The following SMC3 variants were observed in gnomAD, a reference collection of about 807,000 sequenced individuals.
SMC3 encodes structural maintenance of chromosomes protein 3.
A neutral mutation model predicts 171.8 loss-of-function variants in SMC3; 20 were observed. The observed-to-expected ratio is 0.12, with a 90% confidence interval of 0.08 to 0.17. SMC3 has a LOEUF of 0.17. SMC3 is among the 10% of genes least tolerant of loss of function. The pLI is 1.00. For synonymous variants in SMC3, 464 were observed against 451.1 expected (o/e 1.03, Z -0.36); for missense variants, 543 against 1,420.4 (o/e 0.38, Z 9.93).
chr10:110,592,973 G>A, intron 17 of SMC3, 100 bp from the exon 18 acceptor site: 1 of 1,014,610 alleles, frequency 9.9e-7, no homozygotes, highest in East Asian at 2.4e-5. Context: ...ATATAATGGT[G>A]TTTATGGTTT....
At chr10:110,580,265 A>T (rs956121168) in intron 7 of SMC3, among the ~76,000 whole-genome samples, 7 of 152,164 alleles carry the variant, frequency 4.6e-5, no homozygotes, top group Non-Finnish European at 8.8e-5. Context: ...TCCCCATGGA[A>T]ACTGAGGAAG....
chr10:110,571,853 A>G (rs186496930), intron 2 of SMC3, among the ~76,000 whole-genome samples: 19 of 152,116 alleles, frequency 1.2e-4, no homozygotes, highest in Admixed American at 6.5e-4. Context: ...ACTTACTGGT[A>G]ATCTGTTATT....
At chr10:110,597,310 GGTTA>G (rs903809773) in intron 19 of SMC3, among the ~76,000 whole-genome samples, 6 of 151,842 alleles carry the variant, frequency 4.0e-5, no homozygotes, top group Admixed American at 3.3e-4. Context: ...CATGAGGAGT[GGTTA>G]GTTCAGTTCA....
rs753091273 is a variant in SMC3 at position 110,589,707 on chromosome 10, A to C, written c.1408A>C (p.Asn470His). ...GAAAGATGAACTACAAAGTGAAAGA[A>C]AGTTAGTATAGACTAAAATGTGCAT... Reference protein sequence around the residue: ...NKKDELQSERNYLWREENAEQ... With the variant: ...NKKDELQSERHYLWREENAEQ... Residue 470 changes from asparagine to histidine, a missense_variant and splice_region_variant, in exon 14 of 29, where the codon AAC becomes CAC. Asn to His is a moderately conservative substitution (Grantham distance 68, BLOSUM62 1). Transcript: ENST00000361804. 6.4e-7 allele frequency: 1 copy of C among 1,564,448 alleles called. No individual in the cohort carries two copies. Among genetic ancestry groups the C allele is most frequent in the Non-Finnish European group, 8.8e-7 (1 of 1,136,288 alleles).
At chr10:110,578,017 A>G (rs952280483) in intron 6 of SMC3, 103 bp downstream of exon 6, 5 of 773,590 alleles carry the variant, frequency 6.5e-6, no homozygotes, top group Admixed American at 3.9e-5. Context: ...GCCTCAAATG[A>G]TCCACCTCGG....
intron 17 of SMC3, 139 bp downstream of exon 17, chr10:110,591,271 C>A: frequency 4.6e-6 from 4 of 872,556 alleles, no homozygotes; most frequent in Admixed American, 2.3e-5. Context: ...TTCCCATGGA[C>A]CTTAGTGCTG....
At chr10:110,580,854 C>T (rs2134723228) in intron 7 of SMC3, 50 bp from the exon 8 acceptor site, 1 of 997,962 alleles carries the variant, frequency 1.0e-6, no homozygotes, top group Non-Finnish European at 1.6e-6. Context: ...AGTTCTTCTT[C>T]TTAAACGGAG....
chr10:110,576,772 T>A (rs1441023215), intron 4 of SMC3, among the ~76,000 whole-genome samples: 1 of 152,198 alleles, frequency 6.6e-6, no homozygotes, highest in Non-Finnish European at 1.5e-5. Context: ...CAGTTCTTCA[T>A]TGTATTTACT....
intron 3 of SMC3, among the ~76,000 whole-genome samples, chr10:110,574,772 G>A (rs1860922778): frequency 6.6e-6 from 1 of 152,132 alleles, no homozygotes; most frequent in Non-Finnish European, 1.5e-5. Context: ...TCCTAGGCAG[G>A]GTGGTCCAGT....
At chr10:110,603,570 A>C (rs547182065) in intron 28 of SMC3, among the ~76,000 whole-genome samples, 2 of 152,324 alleles carry the variant, frequency 1.3e-5, no homozygotes, top group East Asian at 3.9e-4. Context: ...ATATATGTTC[A>C]TTTGTATAGA....
Position 110,605,049 on chromosome 10 carries a change from CAAATT to C in SMC3, c.*749_*753del, listed in dbSNP as rs1215586429. ...TTCACATATTTTGTAGAATGTCCCT[CAAATT>C]AGGTTTGTCTAATATTTTTCTCATG... On this transcript the variant is annotated 3_prime_UTR_variant, in exon 29 of 29. Coordinates refer to ENST00000361804, the MANE Select transcript of SMC3 (RefSeq NM_005445.4). Among the ~76,000 whole-genome samples, 2 of 152,178 alleles carry C rather than the reference CAAATT, an allele frequency of 1.3e-5. No homozygotes were observed. The highest frequency in any genetic ancestry group is 2.9e-5 in the Non-Finnish European group (2 of 68,024).
chr10:110,587,415 C>G (rs1305307394), intron 13 of SMC3, among the ~76,000 whole-genome samples: 2 of 152,206 alleles, frequency 1.3e-5, no homozygotes, highest in Non-Finnish European at 2.9e-5. Context: ...GGCGCAGTGG[C>G]TTACGCCTGT....
chr10:110,600,982 T>C (rs370250353), intron 22 of SMC3, 40 bp from the exon 23 acceptor site: 1 of 1,456,990 alleles, frequency 6.9e-7, no homozygotes, highest in East Asian at 2.3e-5. Context: ...TTGGCAGTCA[T>C]AACATTTGAA....
At chr10:110,585,839 C>T (rs866100955) in intron 13 of SMC3, among the ~76,000 whole-genome samples, 1 of 151,944 alleles carries the variant, frequency 6.6e-6, no homozygotes, top group African/African-American at 2.4e-5. Flanking sequence ...GCTCTGTCGC[C>T]CAGGCTGGAG....
intron 22 of SMC3, among the ~76,000 whole-genome samples, 191 bp downstream of exon 22, chr10:110,600,737 G>GT (rs1861373394): frequency 6.6e-6 from 1 of 151,996 alleles, no homozygotes; most frequent in Admixed American, 6.6e-5. Flanking sequence ...CTAAGCCTCA[G>GT]TTTCTTGTGT....
At chr10:110,576,083 C>T (rs139324565) in intron 4 of SMC3, among the ~76,000 whole-genome samples, 96 of 152,222 alleles carry the variant, frequency 6.3e-4, no homozygotes, top group African/African-American at 2.2e-3. Context: ...CTATCATAAA[C>T]TGAAAATACC....
intron 3 of SMC3, among the ~76,000 whole-genome samples, chr10:110,574,974 A>G (rs997833630): frequency 8.5e-5 from 13 of 152,150 alleles, no homozygotes; most frequent in African/African-American, 3.1e-4. Context: ...AACTCATATC[A>G]TTTATGTCTA....
intron 10 of SMC3, 65 bp from the exon 11 acceptor site, chr10:110,583,319 A>T: frequency 7.9e-7 from 1 of 1,259,206 alleles, no homozygotes; most frequent in Non-Finnish European, 1.2e-6. Context: ...AAGAGAATTA[A>T]TGGTGTCACA....
In SMC3 at chr10:110,600,553, A is replaced by AT; in HGVS notation, c.2535+8dup. 8.4e-7 allele frequency: 1 copy of AT among 1,193,106 alleles called. No individual in the cohort carries two copies. The highest frequency in any genetic ancestry group is 1.2e-6 in the Non-Finnish European group (1 of 803,182). 73.9% of individuals were successfully genotyped at this position (1,193,106 alleles called of 1,614,324 possible). On this transcript the variant is annotated splice_region_variant and intron_variant, in intron 22 of 28. Transcript: ENST00000361804. ...CTTGGACCAAGTAGAACAGGTGTGT[A>AT]TGTGTTTTTTTTTTTTTTTTTAAGG...
Sources: gnomAD v4.1 joint callset for allele counts (sites outside exome capture counted in the v4.1 genomes callset) on GRCh38, gnomAD v4.1.1 for gene constraint, MANE v1.5 for transcripts, NCBI Gene and HGNC (gene_info 2026-07-23, HGNC 2026-07-21) for gene names.